Variants in FAM193A observed in about 807,000 individuals in gnomAD.
FAM193A encodes the protein family with sequence similarity 193 member A, also known as protein FAM193A.
A neutral mutation model predicts 126.5 loss-of-function variants in FAM193A; 22 were observed. That is an observed-to-expected ratio of 0.17 (90% CI 0.12 to 0.25). FAM193A has a LOEUF of 0.25. Ranked by LOEUF, FAM193A falls within the 10% of genes least tolerant of loss-of-function variation. The pLI, the probability that FAM193A is intolerant of heterozygous loss-of-function variation, is 1.00. For synonymous variants in FAM193A, 761 were observed against 646.8 expected (o/e 1.18, Z -2.68); for missense variants, 1,675 against 1,672.8 (o/e 1.00, Z -0.02).
rs960933235 is a variant in FAM193A, at chr4:2,626,457, A to G, written c.683A>G (p.Tyr228Cys). The G allele has an allele frequency of 2.9e-6, 2 of 701,184 alleles. No homozygotes were observed. Among genetic ancestry groups the G allele is most frequent in the Admixed American group, 4.0e-5 (2 of 49,980 alleles). The allele number at this position is 701,184 out of a possible 1,614,324, so 43.4% of individuals were successfully genotyped here. ...ADREPQQLQN[Y>C]WSEVRYTVRC... Reference sequence around the variant, plus strand: ...CGGGAACCTCAGCAGCTGCAGAACTACTGGTCAGAAGTGCGCTACACGGTG... The same window carrying G: ...CGGGAACCTCAGCAGCTGCAGAACTGCTGGTCAGAAGTGCGCTACACGGTG... The change falls in exon 4 of 21, where the codon TAC (tyrosine) becomes TGC (cysteine). Residue 228 changes from tyrosine to cysteine, a missense_variant. Transcript: ENST00000637812.
chr4:2,614,269 A>T (rs1204164221), intron 2 of FAM193A, among the ~76,000 whole-genome samples: 2 of 152,180 alleles, frequency 1.3e-5, no homozygotes, highest in Admixed American at 6.6e-5. Context: ...TTCTTCATGT[A>T]GTATAGATCA....
At chr4:2,646,854 C>CAGGTGAGTGCCCG in intron 7 of FAM193A, 22 bp downstream of exon 7, 3 of 1,596,218 alleles carry the variant, frequency 1.9e-6, no homozygotes, top group Non-Finnish European at 2.6e-6. Context: ...CCGGGACCAC[C>CAGGTGAGTGCCCG]GCACCCCGCG....
intron 2 of FAM193A, among the ~76,000 whole-genome samples, chr4:2,620,486 G>A (rs1742473920): frequency 6.6e-6 from 1 of 152,112 alleles, no homozygotes; most frequent in African/African-American, 2.4e-5. Flanking sequence ...TAGGTTGATG[G>A]GTAAGCTAGA....
intron 18 of FAM193A, 149 bp downstream of exon 18, chr4:2,696,742 C>G: frequency 3.2e-6 from 2 of 623,172 alleles, no homozygotes; most frequent in Admixed American, 3.0e-5. Context: ...TGAGAGCCAG[C>G]CTGTCTCTGG....
intron 1 of FAM193A, among the ~76,000 whole-genome samples, chr4:2,551,428 G>A (rs1737909198): frequency 6.6e-6 from 1 of 152,152 alleles, no homozygotes; most frequent in Non-Finnish European, 1.5e-5. Context: ...TTGGATTTTT[G>A]CATTTGGAAT....
At chr4:2,557,021 C>T (rs976090800) in intron 1 of FAM193A, among the ~76,000 whole-genome samples, 1 of 152,154 alleles carries the variant, frequency 6.6e-6, no homozygotes, top group Non-Finnish European at 1.5e-5. Context: ...CCCAAGACCC[C>T]TACTGGATGC....
intron 1 of FAM193A, among the ~76,000 whole-genome samples, chr4:2,562,922 C>A (rs2002173): frequency 0.032 from 4,808 of 151,830 alleles, 85 homozygotes; most frequent in South Asian, 0.071. Context: ...GCCACCACAC[C>A]TGGCGATTTG....
intron 7 of FAM193A, 50 bp downstream of exon 7, chr4:2,646,882 C>T (rs552305046): frequency 6.5e-7 from 1 of 1,542,236 alleles, no homozygotes; most frequent in African/African-American, 1.4e-5. Context: ...TCAGACGGCC[C>T]TGTTGAAGGC....
At chr4:2,548,034 A>T (rs1737675698) in intron 1 of FAM193A, among the ~76,000 whole-genome samples, 1 of 148,646 alleles carries the variant, frequency 6.7e-6, no homozygotes. Context: ...CCATTCCTGT[A>T]TCCTCTTGGG....
intron 2 of FAM193A, among the ~76,000 whole-genome samples, chr4:2,609,715 G>C (rs909676616): frequency 6.6e-6 from 1 of 151,990 alleles, no homozygotes; most frequent in Non-Finnish European, 1.5e-5. Context: ...GGATCATGAG[G>C]TCAGGAGATC....
chr4:2,668,413 C>G (rs1713388251), intron 12 of FAM193A, among the ~76,000 whole-genome samples: 1 of 152,000 alleles, frequency 6.6e-6, no homozygotes, highest in South Asian at 2.1e-4. Flanking sequence ...AATGTTTTGC[C>G]ACTTTGGCCA....
At chr4:2,563,838 C>G (rs1197874517) in intron 1 of FAM193A, among the ~76,000 whole-genome samples, 2 of 152,162 alleles carry the variant, frequency 1.3e-5, no homozygotes, top group African/African-American at 2.4e-5. Context: ...ATAGAGCCTT[C>G]ACATTCACCA....
At chr4:2,693,473 A>T in intron 15 of FAM193A, 113 bp from the exon 16 acceptor site, 1 of 1,003,826 alleles carries the variant, frequency 1.0e-6, no homozygotes, top group African/African-American at 1.6e-5. Context: ...GGTCGTGAAG[A>T]TGAAGCAAGG....
At chr4:2,564,896 C>T (rs530015958) in intron 1 of FAM193A, among the ~76,000 whole-genome samples, 3 of 152,152 alleles carry the variant, frequency 2.0e-5, no homozygotes, top group South Asian at 2.1e-4. Context: ...AGCCTGAACT[C>T]CTGGGCTCAA....
chr4:2,631,620 C>T (rs1260340672), intron 5 of FAM193A, among the ~76,000 whole-genome samples: 1 of 152,220 alleles, frequency 6.6e-6, no homozygotes, highest in Non-Finnish European at 1.5e-5. Flanking sequence ...CAGTGGCGTT[C>T]ATTCATTCAT....
chr4:2,693,453 CAG>C, intron 15 of FAM193A, 131 bp from the exon 16 acceptor site: 1 of 867,678 alleles, frequency 1.2e-6, no homozygotes, highest in South Asian at 1.7e-5. Flanking sequence ...ATAAATATGA[CAG>C]AATATTAGGT....
At chr4:2,632,432 C>T (rs1036799288) in intron 5 of FAM193A, among the ~76,000 whole-genome samples, 2 of 151,924 alleles carry the variant, frequency 1.3e-5, no homozygotes, top group Non-Finnish European at 2.9e-5. Flanking sequence ...ATTAACCAGG[C>T]GTGATGACGC....
intron 19 of FAM193A, among the ~76,000 whole-genome samples, chr4:2,701,144 G>C (rs193189342): frequency 6.6e-6 from 1 of 151,956 alleles, no homozygotes; most frequent in African/African-American, 2.4e-5. Flanking sequence ...ATACTTCCAT[G>C]TATATTTCCT....
intron 13 of FAM193A, 89 bp downstream of exon 13, chr4:2,672,461 C>T: frequency 7.0e-7 from 1 of 1,418,680 alleles, no homozygotes; most frequent in South Asian, 1.3e-5. Context: ...TGTGAATTAG[C>T]AACTTGCATA....
Sources: allele counts gnomAD v4.1 joint callset (sites outside exome capture counted in the v4.1 genomes callset), GRCh38; gene constraint gnomAD v4.1.1; transcripts MANE v1.5; gene names NCBI Gene and HGNC (gene_info 2026-07-23, HGNC 2026-07-21).